Variants in EXOC4 observed in about 807,000 individuals in gnomAD.
EXOC4 encodes the protein exocyst complex component 4.
In EXOC4, 71 loss-of-function variants were observed where a neutral mutation model predicts 107.2. That is an observed-to-expected ratio of 0.66 (90% CI 0.55 to 0.81). The LOEUF (loss-of-function observed/expected upper bound fraction) is 0.81, where lower values mean the gene tolerates loss of function less well. EXOC4 is among the 30% of genes least tolerant of loss of function. The pLI is 0.00. For missense variants in EXOC4, 1,108 were observed against 1,189.6 expected (o/e 0.93, Z 1.01); for synonymous variants, 456 against 441.2 (o/e 1.03, Z -0.42).
chr7:133,724,435 C>A (rs950318061), intron 10 of EXOC4, among the ~76,000 whole-genome samples: 2 of 152,320 alleles, frequency 1.3e-5, no homozygotes, highest in African/African-American at 4.8e-5. Flanking sequence ...AGTTCATTTA[C>A]TCAGCACTCA....
At chr7:134,024,674 A>G (rs1234275782) in intron 17 of EXOC4, among the ~76,000 whole-genome samples, 2 of 152,168 alleles carry the variant, frequency 1.3e-5, no homozygotes, top group African/African-American at 4.8e-5. Context: ...AACAAAGTGC[A>G]TCTTCCATCA....
intron 4 of EXOC4, among the ~76,000 whole-genome samples, chr7:133,316,009 C>T (rs533368645): frequency 2.0e-5 from 3 of 152,242 alleles, no homozygotes; most frequent in South Asian, 4.1e-4. Context: ...GACAGTGGCT[C>T]CTACATTATT....
At chr7:134,071,220 G>A (rs973873661), downstream of EXOC4, among the ~76,000 whole-genome samples, 17 of 152,066 alleles carry the variant, frequency 1.1e-4, no homozygotes, top group African/African-American at 4.1e-4. Flanking sequence ...TCGGATTAAG[G>A]GCTTTGCACC....
At chr7:133,715,303 C>A (rs1794977275) in intron 10 of EXOC4, among the ~76,000 whole-genome samples, 1 of 152,166 alleles carries the variant, frequency 6.6e-6, no homozygotes, top group South Asian at 2.1e-4. Flanking sequence ...GTGCCCAAAT[C>A]AGTTATTTTC....
intron 9 of EXOC4, among the ~76,000 whole-genome samples, chr7:133,513,934 TC>T (rs1799821765): frequency 1.3e-5 from 2 of 152,186 alleles, no homozygotes; most frequent in African/African-American, 2.4e-5. Context: ...AATTGGCTGT[TC>T]CATTGGGTAG....
chr7:133,324,241 G>C (rs936287479), intron 5 of EXOC4, among the ~76,000 whole-genome samples: 1 of 151,872 alleles, frequency 6.6e-6, no homozygotes, highest in East Asian at 1.9e-4. Context: ...GTTATTTCTT[G>C]CCTTCTGCTA....
At chr7:133,892,911 G>T (rs1193858354) in intron 11 of EXOC4, among the ~76,000 whole-genome samples, 2 of 123,106 alleles carry the variant, frequency 1.6e-5, no homozygotes, top group African/African-American at 4.0e-5. Context: ...TGTTGATTTG[G>T]GGTGGAGAGT....
chr7:133,319,775 T>C (rs1795070162), intron 5 of EXOC4, among the ~76,000 whole-genome samples: 2 of 151,116 alleles, frequency 1.3e-5, no homozygotes, highest in Non-Finnish European at 3.0e-5. Context: ...CTACCATGCC[T>C]GGCCAGACGT....
chr7:133,536,256 T>C (rs1479413085), intron 9 of EXOC4, among the ~76,000 whole-genome samples: 1 of 152,118 alleles, frequency 6.6e-6, no homozygotes, highest in Non-Finnish European at 1.5e-5. Flanking sequence ...CAAATTACAA[T>C]TCTCCTTTAT....
chr7:133,948,962 G>C (rs1239775822), intron 14 of EXOC4, among the ~76,000 whole-genome samples: 1 of 152,210 alleles, frequency 6.6e-6, no homozygotes, highest in Non-Finnish European at 1.5e-5. Context: ...AGGCAATGCT[G>C]TTGTTCAGCT....
chr7:134,042,751 GC>G (rs1223457520), intron 17 of EXOC4, among the ~76,000 whole-genome samples: 7 of 152,166 alleles, frequency 4.6e-5, no homozygotes, highest in African/African-American at 1.4e-4. Flanking sequence ...CAGTAATGCT[GC>G]CCTGGCCAGG....
At chr7:133,537,552 T>C (rs908087745) in intron 9 of EXOC4, among the ~76,000 whole-genome samples, 1 of 152,166 alleles carries the variant, frequency 6.6e-6, no homozygotes, top group East Asian at 1.9e-4. Flanking sequence ...CTGTACTCTA[T>C]TTTGTTCATT....
In EXOC4 at chr7:134,035,325, G is replaced by A. The variant is rs778487093; in HGVS notation, c.2687+27490G>A. On this transcript the variant is annotated intron_variant, in intron 17 of 17. Transcript: ENST00000253861. Reference sequence around the variant, plus strand: ...CTCCCAAAGTGCTGGGATTACAGGCGTGAGCCACTGCGCCTGGCCAAAAAG... The same window carrying A: ...CTCCCAAAGTGCTGGGATTACAGGCATGAGCCACTGCGCCTGGCCAAAAAG... Among the ~76,000 whole-genome samples the A allele has an allele frequency of 9.2e-5, 14 of 152,082 alleles. No homozygotes were observed. The South Asian group carries it at 1.2e-3, about 14-fold the overall frequency.
chr7:133,965,403 A>C (rs1039046288), intron 14 of EXOC4, among the ~76,000 whole-genome samples: 4 of 152,230 alleles, frequency 2.6e-5, no homozygotes, highest in Non-Finnish European at 5.9e-5. Flanking sequence ...AGTCTTTGCC[A>C]ATGCCTATGT....
At chr7:133,503,686 T>A (rs1297395273) in intron 9 of EXOC4, among the ~76,000 whole-genome samples, 1 of 152,156 alleles carries the variant, frequency 6.6e-6, no homozygotes, top group Non-Finnish European at 1.5e-5. Flanking sequence ...CAATAAACAT[T>A]TGCGGAAATA....
chr7:133,707,755 A>G (rs1794799994), intron 10 of EXOC4, among the ~76,000 whole-genome samples: 1 of 152,064 alleles, frequency 6.6e-6, no homozygotes, highest in Non-Finnish European at 1.5e-5. Flanking sequence ...AGCTGGGACT[A>G]CAGGCGCACG....
At chr7:133,785,021 C>G (rs1313535601) in intron 10 of EXOC4, among the ~76,000 whole-genome samples, 1 of 152,082 alleles carries the variant, frequency 6.6e-6, no homozygotes, top group African/African-American at 2.4e-5. Flanking sequence ...TGCATGAGAC[C>G]AAGGCCATGA....
chr7:133,594,588 G>A (rs1452257251), intron 9 of EXOC4, among the ~76,000 whole-genome samples: 1 of 135,350 alleles, frequency 7.4e-6, no homozygotes, highest in African/African-American at 2.8e-5. Flanking sequence ...TCCGCCTCCT[G>A]GTTCAAGCGA....
At chr7:133,680,674 T>G (rs546374840) in intron 10 of EXOC4, among the ~76,000 whole-genome samples, 1 of 152,350 alleles carries the variant, frequency 6.6e-6, no homozygotes, top group African/African-American at 2.4e-5. Flanking sequence ...CTAGGACCTA[T>G]GGAGCAAATC....
Sources: allele counts gnomAD v4.1 joint callset (sites outside exome capture counted in the v4.1 genomes callset), GRCh38; gene constraint gnomAD v4.1.1; transcripts MANE v1.5; gene names NCBI Gene and HGNC (gene_info 2026-07-23, HGNC 2026-07-21).